Variants in SNTG2 observed in about 807,000 individuals in gnomAD.
The protein encoded by SNTG2 is syntrophin gamma 2.
SNTG2 carries 74 observed loss-of-function variants against 70.9 expected under a neutral mutation model. The ratio of observed to expected loss-of-function variants is 1.04; its 90% CI spans 0.86 to 1.27. The LOEUF is 1.27. SNTG2 is among the 50% of genes most tolerant of loss of function. The pLI is 0.00. For missense variants in SNTG2, 717 were observed against 690.7 expected (o/e 1.04, Z -0.43); for synonymous variants, 278 against 273.8 (o/e 1.02, Z -0.15).
intron 1 of SNTG2, among the ~76,000 whole-genome samples, chr2:1,043,253 T>C (rs1376839754): frequency 1.3e-5 from 2 of 152,132 alleles, no homozygotes; most frequent in African/African-American, 4.8e-5. Flanking sequence ...TGAAGTTTCC[T>C]ATAATGGGGT....
chr2:1,019,404 G>C (rs1660032071), intron 1 of SNTG2, among the ~76,000 whole-genome samples: 1 of 152,152 alleles, frequency 6.6e-6, no homozygotes, highest in South Asian at 2.1e-4. Flanking sequence ...GGACAAACTG[G>C]AGCTGTTTAG....
At chr2:1,118,837 C>A (rs1667201720) in intron 4 of SNTG2, among the ~76,000 whole-genome samples, 2 of 151,938 alleles carry the variant, frequency 1.3e-5, no homozygotes, top group African/African-American at 4.8e-5. Flanking sequence ...AAAAAAAGGA[C>A]AGAAAGGTTA....
chr2:1,223,980 C>G (rs1675570769), intron 9 of SNTG2, among the ~76,000 whole-genome samples: 1 of 152,152 alleles, frequency 6.6e-6, no homozygotes, highest in Non-Finnish European at 1.5e-5. Context: ...GTCCCTCGAG[C>G]TCTGAAGGCT....
chr2:1,129,691 T>C (rs1667905003), intron 4 of SNTG2, among the ~76,000 whole-genome samples: 1 of 152,180 alleles, frequency 6.6e-6, no homozygotes, highest in Non-Finnish European at 1.5e-5. Flanking sequence ...TTAATCCTTT[T>C]GAAGTGAAAC....
intron 14 of SNTG2, among the ~76,000 whole-genome samples, chr2:1,274,104 CAT>C (rs1400226763): frequency 1.3e-5 from 2 of 152,164 alleles, no homozygotes; most frequent in Non-Finnish European, 2.9e-5. Context: ...TCACAGCACA[CAT>C]ATTAGAATGA....
intron 1 of SNTG2, among the ~76,000 whole-genome samples, chr2:1,047,089 A>T (rs1661782621): frequency 6.6e-6 from 1 of 152,132 alleles, no homozygotes; most frequent in Non-Finnish European, 1.5e-5. Flanking sequence ...TGTTAATTCA[A>T]AGAACTGGTC....
At chr2:971,941 T>C (rs1660758984) in intron 1 of SNTG2, among the ~76,000 whole-genome samples, 1 of 152,126 alleles carries the variant, frequency 6.6e-6, no homozygotes, top group South Asian at 2.1e-4. Context: ...GAGCAGGTTG[T>C]TTAATTTCCA....
chr2:1,235,915 T>G (rs1338538010), intron 9 of SNTG2, among the ~76,000 whole-genome samples: 4 of 152,236 alleles, frequency 2.6e-5, no homozygotes, highest in African/African-American at 9.6e-5. Flanking sequence ...AATACATGAC[T>G]GTTTATCGAG....
intron 8 of SNTG2, among the ~76,000 whole-genome samples, chr2:1,188,103 A>G (rs942866825): frequency 1.3e-5 from 2 of 152,260 alleles, no homozygotes; most frequent in African/African-American, 2.4e-5. Context: ...GTCTTAGGTT[A>G]AGAAAAAACA....
chr2:1,170,292 A>G (rs1671040956), intron 7 of SNTG2, among the ~76,000 whole-genome samples: 1 of 152,194 alleles, frequency 6.6e-6, no homozygotes, highest in African/African-American at 2.4e-5. Context: ...AGTTTTAAAT[A>G]TTTCACTACG....
Position 1,245,994 on chromosome 2 carries a change from T to C in SNTG2, c.889-1333T>C, listed in dbSNP as rs140857944. Among the ~76,000 whole-genome samples, 332 of 152,300 alleles carry C rather than the reference T, an allele frequency of 2.2e-3. 5 individuals are homozygous for C. The highest frequency in any genetic ancestry group is 7.3e-3 in the African/African-American group (303 of 41,566). ...TCGGGGAAATAAAGTCGTCCTGTGT[T>C]ACTGCAACATTAACCCCATACCACA... On this transcript the variant is annotated intron_variant, in intron 11 of 16. Coordinates refer to ENST00000308624, the MANE Select transcript of SNTG2 (RefSeq NM_018968.4).
intron 1 of SNTG2, among the ~76,000 whole-genome samples, chr2:1,003,502 C>T (rs754036080): frequency 6.6e-6 from 1 of 152,178 alleles, no homozygotes; most frequent in Non-Finnish European, 1.5e-5. Context: ...TTCATCATGT[C>T]TAGACTTCAT....
intron 8 of SNTG2, among the ~76,000 whole-genome samples, chr2:1,177,851 A>G (rs184449286): frequency 6.6e-6 from 1 of 152,288 alleles, no homozygotes; most frequent in Admixed American, 6.5e-5. Context: ...CAACATTTAA[A>G]TAATTTCTTT....
intron 1 of SNTG2, among the ~76,000 whole-genome samples, chr2:1,052,707 C>T (rs1426879550): frequency 2.0e-5 from 3 of 152,202 alleles, no homozygotes; most frequent in Non-Finnish European, 2.9e-5. Context: ...ACAATTCTGC[C>T]ATCCTTTCGT....
intron 15 of SNTG2, among the ~76,000 whole-genome samples, chr2:1,308,880 A>T (rs1013458166): frequency 3.3e-5 from 5 of 152,142 alleles, no homozygotes; most frequent in African/African-American, 1.2e-4. Context: ...AACGCTTTGA[A>T]AAAAAACACT....
intron 9 of SNTG2, among the ~76,000 whole-genome samples, chr2:1,230,734 C>G (rs918724121): frequency 6.6e-6 from 1 of 152,212 alleles, no homozygotes; most frequent in Non-Finnish European, 1.5e-5. Context: ...AGCCTAGGCC[C>G]GGGCCCCACA....
chr2:1,326,523 A>G (rs1378148518), intron 16 of SNTG2, among the ~76,000 whole-genome samples: 2 of 152,216 alleles, frequency 1.3e-5, no homozygotes, highest in Non-Finnish European at 2.9e-5. Flanking sequence ...TTACTCTTTG[A>G]TAGAGAGGAT....
intron 1 of SNTG2, among the ~76,000 whole-genome samples, chr2:982,202 C>A (rs937737639): frequency 6.6e-6 from 1 of 152,192 alleles, no homozygotes; most frequent in Non-Finnish European, 1.5e-5. Context: ...ATCCTGCTCT[C>A]CTTGTTTTCT....
intron 14 of SNTG2, among the ~76,000 whole-genome samples, chr2:1,272,390 T>G (rs143446351): frequency 0.017 from 2,302 of 138,248 alleles, 29 homozygotes; most frequent in Non-Finnish European, 0.022. Flanking sequence ...GAGGCAGAGG[T>G]CAGGTGGTAA....
Sources: gnomAD v4.1 joint callset for allele counts (sites outside exome capture counted in the v4.1 genomes callset) on GRCh38, gnomAD v4.1.1 for gene constraint, MANE v1.5 for transcripts, NCBI Gene and HGNC (gene_info 2026-07-23, HGNC 2026-07-21) for gene names.